Variants in FKBP3 observed in about 807,000 individuals in gnomAD.
FKBP3 encodes FKBP prolyl isomerase 3.
FKBP3 carries 21 observed loss-of-function variants against 30.6 expected under a neutral mutation model. The ratio of observed to expected loss-of-function variants is 0.69; its 90% confidence interval spans 0.49 to 0.99. The LOEUF (loss-of-function observed/expected upper bound fraction) is 0.99, where lower values mean the gene tolerates loss of function less well. Among genes scored for constraint, FKBP3 ranks in the 50% least tolerant of loss-of-function variants. FKBP3 has a pLI of 0.00. For missense variants in FKBP3, 283 were observed against 261.6 expected (o/e 1.08, Z -0.56); for synonymous variants, 82 against 91.3 (o/e 0.90, Z 0.58).
rs371278010 is a variant in FKBP3 at position 45,118,082 on chromosome 14, C to T, written c.566G>A (p.Arg189Gln). Residue 189 changes from arginine to glutamine, a missense_variant, in exon 6 of 7, where the codon CGA becomes CAA. By Grantham distance (43) the Arg-to-Gln change is conservative. Coordinates refer to ENST00000396062, the MANE Select transcript of FKBP3 (RefSeq NM_002013.4). ...LLTMSKGEKA[R>Q]LEIEPEWAYG... The stretch of plus-strand genomic sequence containing the variant: ...AGCCCATTCTGGTTCAATCTCCAGT[C>T]GAGCCTTTTCTCCTTTACTCATAGT... 13 of 1,607,646 alleles carry T rather than the reference C, an allele frequency of 8.1e-6. No homozygotes were observed. The highest frequency in any genetic ancestry group is 7.6e-6 in the Non-Finnish European group (9 of 1,178,018).
chr14:45,115,688 A>G lies in FKBP3; in HGVS notation c.*510T>C, dbSNP rs1345191917. The G allele has an allele frequency of 6.6e-6, 1 of 152,610 alleles. No individual in the cohort carries two copies. The highest frequency in any genetic ancestry group is 1.5e-5 in the Non-Finnish European group (1 of 68,212). 9.5% of individuals were successfully genotyped at this position (152,610 alleles called of 1,614,324 possible). Reference sequence around the variant, plus strand: ...TAGTGGCTCATTGGTTTTGAAGTACACCTTTTCTAAATTCAGGTCTTGATC... The same window carrying G: ...TAGTGGCTCATTGGTTTTGAAGTACGCCTTTTCTAAATTCAGGTCTTGATC... On this transcript the variant is annotated 3_prime_UTR_variant, in exon 7 of 7. Coordinates refer to ENST00000396062, the MANE Select transcript of FKBP3 (RefSeq NM_002013.4).
At chr14:45,134,124 C>G (rs1435018815) in intron 1 of FKBP3, among the ~76,000 whole-genome samples, 1 of 152,220 alleles carries the variant, frequency 6.6e-6, no homozygotes, top group East Asian at 1.9e-4. Context: ...ACAATTGCAG[C>G]CTGTGTGCCC....
intron 3 of FKBP3, among the ~76,000 whole-genome samples, chr14:45,126,775 C>T (rs555683610): frequency 3.6e-4 from 55 of 152,094 alleles, no homozygotes; most frequent in African/African-American, 1.3e-3. Flanking sequence ...CTGGAGCCCA[C>T]GAGTTTGAGT....
intron 3 of FKBP3, 41 bp from the exon 4 acceptor site, chr14:45,121,661 T>C (rs200302106): frequency 1.4e-5 from 22 of 1,591,422 alleles, no homozygotes; most frequent in South Asian, 3.4e-5. Flanking sequence ...AGTTATTAAT[T>C]TGTGTCCTTT....
intron 6 of FKBP3, among the ~76,000 whole-genome samples, 185 bp downstream of exon 6, chr14:45,117,843 A>G (rs894287802): frequency 4.6e-5 from 7 of 152,228 alleles, no homozygotes; most frequent in South Asian, 2.1e-4. Flanking sequence ...TTTGAACTTT[A>G]TATCAATAGA....
At chr14:45,124,125 A>C (rs1280474712) in intron 3 of FKBP3, among the ~76,000 whole-genome samples, 1 of 152,072 alleles carries the variant, frequency 6.6e-6, no homozygotes, top group Non-Finnish European at 1.5e-5. Flanking sequence ...CCAAAGGCCT[A>C]AACCATGCAG....
chr14:45,120,862 T>G (rs745615147), intron 5 of FKBP3, 25 bp downstream of exon 5: 1 of 1,570,934 alleles, frequency 6.4e-7, no homozygotes, highest in East Asian at 2.2e-5. Flanking sequence ...GAATATCTAC[T>G]GATTCATTGG....
intron 3 of FKBP3, among the ~76,000 whole-genome samples, chr14:45,122,540 C>T (rs547100799): frequency 3.7e-4 from 57 of 152,080 alleles, no homozygotes; most frequent in Admixed American, 1.4e-3. Context: ...CTCACTCTGT[C>T]GCCAGGCTGG....
At chr14:45,120,992 C>G (rs1282790649) in intron 4 of FKBP3, 38 bp from the exon 5 acceptor site, 1 of 1,428,146 alleles carries the variant, frequency 7.0e-7, no homozygotes, top group African/African-American at 1.4e-5. Flanking sequence ...ATGATATACT[C>G]TAATTTATTA....
rs1476452677 is a variant in FKBP3 at position 45,134,191 on chromosome 14, G to A, written c.108+158C>T. ...GAGAACGCCCGAGAGGCGGGAGCGA[G>A]GCACCAAAGCACAAGCTGGGCCTCT... On this transcript the variant is annotated intron_variant, in intron 1 of 6. Transcript: ENST00000396062. Among the ~76,000 whole-genome samples, 8 of 152,204 alleles carry A rather than the reference G, an allele frequency of 5.3e-5. No homozygotes were observed. The East Asian group carries it at 1.3e-3, about 26-fold the overall frequency.
intron 1 of FKBP3, 118 bp downstream of exon 1, chr14:45,134,231 C>A: frequency 3.4e-6 from 3 of 879,974 alleles, no homozygotes; most frequent in Non-Finnish European, 3.6e-6. Flanking sequence ...CCTTCCAGGC[C>A]ACCGGCCGCG....
intron 3 of FKBP3, among the ~76,000 whole-genome samples, chr14:45,123,172 C>T (rs536629623): frequency 7.0e-6 from 1 of 142,362 alleles, no homozygotes; most frequent in East Asian, 2.0e-4. Flanking sequence ...CAGAGCAAGG[C>T]TCCATCTAAA....
intron 3 of FKBP3, among the ~76,000 whole-genome samples, 160 bp downstream of exon 3, chr14:45,129,634 G>GT (rs1206444751): frequency 6.6e-6 from 1 of 152,118 alleles, no homozygotes; most frequent in Non-Finnish European, 1.5e-5. Context: ...TTCTGTCCCA[G>GT]TACACCTAAG....
chr14:45,116,716 C>G (rs1054346462), intron 6 of FKBP3, among the ~76,000 whole-genome samples: 1 of 151,568 alleles, frequency 6.6e-6, no homozygotes. Context: ...ATTAGCCAGG[C>G]GTAGTGGTGC....
At chr14:45,132,721 C>T (rs1342175210) in intron 1 of FKBP3, among the ~76,000 whole-genome samples, 1 of 150,606 alleles carries the variant, frequency 6.6e-6, no homozygotes, top group Non-Finnish European at 1.5e-5. Context: ...AGGAATGAGC[C>T]ACCACGACCG....
intron 3 of FKBP3, among the ~76,000 whole-genome samples, chr14:45,126,508 G>T (rs1885101590): frequency 6.6e-6 from 1 of 151,616 alleles, no homozygotes; most frequent in African/African-American, 2.4e-5. Flanking sequence ...GAAAAAAAAA[G>T]AATACGTCTA....
chr14:45,121,067 T>C, intron 4 of FKBP3, 113 bp from the exon 5 acceptor site: 1 of 847,832 alleles, frequency 1.2e-6, no homozygotes, highest in South Asian at 1.6e-5. Flanking sequence ...GATTTCAGAA[T>C]TACAATACTA....
intron 1 of FKBP3, among the ~76,000 whole-genome samples, chr14:45,133,624 TC>T (rs1464488974): frequency 1.3e-5 from 2 of 152,210 alleles, no homozygotes; most frequent in Non-Finnish European, 2.9e-5. Context: ...GAACTTATTT[TC>T]CAAAGGAAAA....
intron 6 of FKBP3, among the ~76,000 whole-genome samples, chr14:45,116,459 T>C (rs1884837066): frequency 6.7e-6 from 1 of 149,916 alleles, no homozygotes; most frequent in Non-Finnish European, 1.5e-5. Flanking sequence ...GTAATGTCAT[T>C]CTAGCTGGGG....
Sources: gnomAD v4.1 joint callset for allele counts (sites outside exome capture counted in the v4.1 genomes callset) on GRCh38, gnomAD v4.1.1 for gene constraint, MANE v1.5 for transcripts, NCBI Gene and HGNC (gene_info 2026-07-23, HGNC 2026-07-21) for gene names.